The following SAMD5 variants were observed in gnomAD, a reference collection of about 807,000 sequenced individuals.
SAMD5 encodes sterile alpha motif domain-containing protein 5.
A neutral mutation model predicts 11.3 loss-of-function variants in SAMD5; 13 were observed. The ratio of observed to expected loss-of-function variants is 1.15; its 90% CI spans 0.75 to 1.83. The LOEUF (loss-of-function observed/expected upper bound fraction) is 1.83, where lower values mean the gene tolerates loss of function less well. SAMD5 is among the 40% of genes most tolerant of loss of function. The probability of loss-of-function intolerance (pLI) is 0.00; values close to 1 mark genes in which losing one functional copy is unlikely to be tolerated. For missense variants in SAMD5, 255 were observed against 239.1 expected (o/e 1.07, Z -0.44); for synonymous variants, 129 against 111.3 (o/e 1.16, Z -1.00).
At chr6:147,845,385 A>C in the SAMD5 span, among the ~76,000 whole-genome samples, 2 of 152,190 alleles carry the variant, frequency 1.3e-5, no homozygotes, top group Non-Finnish European at 2.9e-5. Context: ...CTATACAAGG[A>C]AAATTGATAA....
intron 1 of SAMD5, among the ~76,000 whole-genome samples, chr6:147,591,762 G>T (rs2128447271): frequency 6.6e-6 from 1 of 152,100 alleles, no homozygotes; most frequent in Admixed American, 6.5e-5. Context: ...GGCATTTTTG[G>T]AGAATGACTG....
chr6:147,511,833 G>T (rs1330764404), intron 1 of SAMD5, among the ~76,000 whole-genome samples: 1 of 152,168 alleles, frequency 6.6e-6, no homozygotes, highest in Admixed American at 6.5e-5. Flanking sequence ...AATTATTGAA[G>T]AATTTGTTTT....
intron 1 of SAMD5, among the ~76,000 whole-genome samples, chr6:147,594,295 G>A (rs981451963): frequency 2.6e-5 from 4 of 152,056 alleles, no homozygotes; most frequent in Non-Finnish European, 4.4e-5. Flanking sequence ...GCTAAGATGC[G>A]ATCAGAGTTA....
the SAMD5 span, among the ~76,000 whole-genome samples, chr6:147,875,371 T>G: frequency 1.3e-5 from 2 of 152,286 alleles, no homozygotes; most frequent in African/African-American, 4.8e-5. Flanking sequence ...CCCTCTTAAC[T>G]CTTTTACTGT....
At chr6:147,560,236 C>T (rs1449034941) in intron 1 of SAMD5, among the ~76,000 whole-genome samples, 1 of 152,094 alleles carries the variant, frequency 6.6e-6, no homozygotes, top group Non-Finnish European at 1.5e-5. Context: ...AAATTCCCAC[C>T]TTTCTTGGTC....
the SAMD5 span, among the ~76,000 whole-genome samples, chr6:147,899,668 T>C: frequency 6.6e-6 from 1 of 152,328 alleles, no homozygotes; most frequent in African/African-American, 2.4e-5. Flanking sequence ...CGGAATGGCA[T>C]CTGTAGGCAT....
At chr6:147,741,200 G>A (rs973909447), downstream of SAMD5, among the ~76,000 whole-genome samples, 1 of 152,050 alleles carries the variant, frequency 6.6e-6, no homozygotes, top group Admixed American at 6.6e-5. Flanking sequence ...CAAACCAGGG[G>A]TTTGAGAAAC....
the SAMD5 span, among the ~76,000 whole-genome samples, chr6:147,803,437 T>C: frequency 6.6e-6 from 1 of 152,200 alleles, no homozygotes; most frequent in Non-Finnish European, 1.5e-5. Flanking sequence ...AGTTCTTTCA[T>C]CTGTCTTCCT....
intron 1 of SAMD5, among the ~76,000 whole-genome samples, chr6:147,575,214 C>T (rs1239621081): frequency 6.6e-6 from 1 of 152,200 alleles, no homozygotes; most frequent in East Asian, 1.9e-4. Flanking sequence ...CCCTGTTGTC[C>T]TCACAGGTTC....
At chr6:147,835,713 G>A in the SAMD5 span, among the ~76,000 whole-genome samples, 119 of 152,212 alleles carry the variant, frequency 7.8e-4, 1 homozygote, top group African/African-American at 2.2e-3. Context: ...GCAAGTTGGG[G>A]CAATGAACAC....
At chr6:147,819,436 C>T in the SAMD5 span, among the ~76,000 whole-genome samples, 3 of 151,948 alleles carry the variant, frequency 2.0e-5, no homozygotes, top group African/African-American at 4.8e-5. Context: ...CACCCGTGAA[C>T]CTAAAATAAA....
chr6:147,782,123 C>A, the SAMD5 span, among the ~76,000 whole-genome samples: 2 of 143,126 alleles, frequency 1.4e-5, no homozygotes. Flanking sequence ...TTCTGTGTTC[C>A]TTGAGATCAG....
At chr6:147,593,297 G>A (rs1256093918) in intron 1 of SAMD5, among the ~76,000 whole-genome samples, 1 of 152,138 alleles carries the variant, frequency 6.6e-6, no homozygotes, top group African/African-American at 2.4e-5. Context: ...CTAGTAGGGA[G>A]ACAGACAACA....
At chr6:147,941,942 C>T in the SAMD5 span, among the ~76,000 whole-genome samples, 22 of 152,236 alleles carry the variant, frequency 1.4e-4, no homozygotes, top group South Asian at 4.1e-3. Flanking sequence ...GGTGCAATCT[C>T]GGCTCACTGC....
chr6:147,847,290 G>A, the SAMD5 span, among the ~76,000 whole-genome samples: 1 of 152,182 alleles, frequency 6.6e-6, no homozygotes. Context: ...TCATTTATAA[G>A]AGTCAGTTAA....
the SAMD5 span, among the ~76,000 whole-genome samples, chr6:147,797,337 T>A: frequency 6.4e-5 from 9 of 140,116 alleles, no homozygotes; most frequent in African/African-American, 2.0e-4. Context: ...ATGTGGTTTT[T>A]GTCTTTGGCT....
At chr6:147,879,336 G>A in the SAMD5 span, among the ~76,000 whole-genome samples, 8 of 152,120 alleles carry the variant, frequency 5.3e-5, no homozygotes, top group Non-Finnish European at 8.8e-5. Flanking sequence ...CTTAGTGCCC[G>A]TGGACTCCTC....
At chr6:147,698,402 CTTGGAAAACACTT>C (rs1432119025) in intron 1 of SAMD5, among the ~76,000 whole-genome samples, 1 of 152,150 alleles carries the variant, frequency 6.6e-6, no homozygotes, top group East Asian at 1.9e-4. Flanking sequence ...ATTTTCTACA[CTTGGAAAACACTT>C]TTTCTCCTTT....
rs1313349749 is a variant in SAMD5, at chr6:147,569,878, T to C, written c.*5422T>C. On this transcript the variant is annotated 3_prime_UTR_variant, in exon 2 of 2. Coordinates refer to ENST00000367474, the MANE Select transcript of SAMD5 (RefSeq NM_001030060.3). ...GACACTTTCTTTTCCCTTTCAGTTATTATTTTTTTTAAAGGACGTTATGAG... is the reference window on the plus strand; with the variant it reads ...GACACTTTCTTTTCCCTTTCAGTTACTATTTTTTTTAAAGGACGTTATGAG... 3.0e-6 allele frequency: 3 copies of C among 985,286 alleles called. No individual in the cohort carries two copies. The highest frequency in any genetic ancestry group is 3.6e-6 in the Non-Finnish European group (3 of 829,778). The allele number at this position is 985,286 out of a possible 1,614,324, so 61.0% of individuals were successfully genotyped here.
Sources: gnomAD v4.1 joint callset for allele counts (sites outside exome capture counted in the v4.1 genomes callset) on GRCh38, gnomAD v4.1.1 for gene constraint, MANE v1.5 for transcripts, NCBI Gene and HGNC (gene_info 2026-07-23, HGNC 2026-07-21) for gene names.